The following ASIC2 variants were observed in gnomAD, a reference collection of about 807,000 sequenced individuals.
ASIC2 encodes acid-sensing ion channel 2.
A neutral mutation model predicts 57.3 loss-of-function variants in ASIC2; 25 were observed. The observed-to-expected ratio is 0.44, with a 90% CI of 0.32 to 0.61. The LOEUF is 0.61. ASIC2 is among the 20% of genes least tolerant of loss of function. The probability of loss-of-function intolerance (pLI) is 0.06; values close to 1 mark genes in which losing one functional copy is unlikely to be tolerated. For synonymous variants in ASIC2, 319 were observed against 307.5 expected, an observed-to-expected ratio of 1.04 and a Z score of -0.39; for missense variants, 641 against 738.1, an observed-to-expected ratio of 0.87 and a Z score of 1.52.
At chr17:33,404,273 CTG>C (rs779213010) in intron 1 of ASIC2, among the ~76,000 whole-genome samples, 53 of 152,190 alleles carry the variant, frequency 3.5e-4, no homozygotes, top group Non-Finnish European at 1.3e-4. Context: ...TTGCACAACT[CTG>C]TAAGTTTACT....
chr17:34,030,550 G>A (rs1907561853), intron 1 of ASIC2, among the ~76,000 whole-genome samples: 1 of 152,212 alleles, frequency 6.6e-6, no homozygotes, highest in Non-Finnish European at 1.5e-5. Context: ...GCTGAAGTAG[G>A]GCGAGGCATC....
chr17:34,119,852 T>C (rs969596776), intron 1 of ASIC2, among the ~76,000 whole-genome samples: 1 of 152,198 alleles, frequency 6.6e-6, no homozygotes, highest in Non-Finnish European at 1.5e-5. Flanking sequence ...AAGTCCCCCA[T>C]GGTGCCTGAC....
chr17:33,138,284 G>T (rs1278706254), intron 1 of ASIC2, among the ~76,000 whole-genome samples: 1 of 152,160 alleles, frequency 6.6e-6, no homozygotes, highest in African/African-American at 2.4e-5. Flanking sequence ...AGTTGTCATG[G>T]TGTCTCAAGG....
intron 9 of ASIC2, among the ~76,000 whole-genome samples, chr17:33,015,060 C>T (rs1326677600): frequency 2.6e-5 from 4 of 152,234 alleles, no homozygotes; most frequent in East Asian, 1.9e-4. Flanking sequence ...TCCCCACTTC[C>T]GTTCCACAGA....
intron 1 of ASIC2, among the ~76,000 whole-genome samples, chr17:33,135,980 A>G (rs1169814358): frequency 6.6e-6 from 1 of 152,218 alleles, no homozygotes; most frequent in African/African-American, 2.4e-5. Flanking sequence ...AATGGGGCAG[A>G]TAGACGGGTA....
chr17:33,842,226 A>C (rs941503388), intron 1 of ASIC2, among the ~76,000 whole-genome samples: 3 of 152,206 alleles, frequency 2.0e-5, no homozygotes, highest in Admixed American at 1.3e-4. Context: ...CCTTCATTTA[A>C]CGCAAAACTC....
At chr17:33,809,289 C>G (rs529939031) in intron 1 of ASIC2, among the ~76,000 whole-genome samples, 1 of 152,290 alleles carries the variant, frequency 6.6e-6, no homozygotes, top group South Asian at 2.1e-4. Flanking sequence ...ATGTCTGAAC[C>G]CCAGTGGAGT....
intron 1 of ASIC2, among the ~76,000 whole-genome samples, chr17:33,575,875 C>T (rs999071555): frequency 6.6e-6 from 1 of 152,114 alleles, no homozygotes; most frequent in African/African-American, 2.4e-5. Flanking sequence ...AGAGCAAACG[C>T]CCCACAGCTA....
At chr17:33,914,098 C>T (rs1474808265) in intron 1 of ASIC2, among the ~76,000 whole-genome samples, 1 of 152,170 alleles carries the variant, frequency 6.6e-6, no homozygotes, top group Non-Finnish European at 1.5e-5. Flanking sequence ...GAAGCAGTTT[C>T]AAGGTGATGC....
chr17:33,961,267 G>T (rs1402403978), intron 1 of ASIC2, among the ~76,000 whole-genome samples: 2 of 152,192 alleles, frequency 1.3e-5, no homozygotes, highest in Non-Finnish European at 2.9e-5. Context: ...CAGGGGCAGG[G>T]TCACTGCTTC....
chr17:33,738,589 C>T (rs1909999099), intron 1 of ASIC2, among the ~76,000 whole-genome samples: 1 of 152,160 alleles, frequency 6.6e-6, no homozygotes, highest in African/African-American at 2.4e-5. Flanking sequence ...ATATCTAACT[C>T]CTTCTTACTG....
intron 1 of ASIC2, among the ~76,000 whole-genome samples, chr17:33,662,744 C>CCCTTCCTT (rs1162461711): frequency 1.5e-5 from 2 of 134,954 alleles, no homozygotes; most frequent in African/African-American, 5.3e-5. Context: ...CTCCTTCCCT[C>CCCTTCCTT]CCTTCCTTCC....
chr17:33,220,467 A>C (rs1907649264), intron 1 of ASIC2, among the ~76,000 whole-genome samples: 1 of 151,992 alleles, frequency 6.6e-6, no homozygotes, highest in South Asian at 2.1e-4. Context: ...AAGTGAATAC[A>C]CCTGGAAAGG....
At chr17:33,244,061 T>C (rs1378246684) in intron 1 of ASIC2, among the ~76,000 whole-genome samples, 1 of 152,204 alleles carries the variant, frequency 6.6e-6, no homozygotes, top group Non-Finnish European at 1.5e-5. Context: ...CAAATGCACA[T>C]CGCTAGGCTA....
chr17:33,771,437 A>G (rs1911106992), intron 1 of ASIC2, among the ~76,000 whole-genome samples: 1 of 152,184 alleles, frequency 6.6e-6, no homozygotes. Context: ...CTACATCTAC[A>G]TAACATGTCT....
At chr17:34,108,136 T>A (rs902834045) in intron 1 of ASIC2, among the ~76,000 whole-genome samples, 2 of 152,172 alleles carry the variant, frequency 1.3e-5, no homozygotes, top group East Asian at 3.8e-4. Flanking sequence ...TTCACAAGGA[T>A]CTTCCTTACT....
At chr17:33,140,498 C>T (rs1354050382) in intron 1 of ASIC2, among the ~76,000 whole-genome samples, 1 of 152,158 alleles carries the variant, frequency 6.6e-6, no homozygotes, top group Non-Finnish European at 1.5e-5. Context: ...GGAATTACAG[C>T]AATTATCTCA....
At chr17:33,335,705 G>C (rs2142230909) in intron 1 of ASIC2, among the ~76,000 whole-genome samples, 1 of 152,302 alleles carries the variant, frequency 6.6e-6, no homozygotes, top group South Asian at 2.1e-4. Flanking sequence ...CCAAGCAGTG[G>C]TACCACAGCT....
intron 1 of ASIC2, among the ~76,000 whole-genome samples, chr17:33,675,182 C>T (rs1450886259): frequency 2.6e-5 from 4 of 152,182 alleles, no homozygotes; most frequent in Non-Finnish European, 5.9e-5. Flanking sequence ...CCCTTTAACC[C>T]TTTAGTGACT....
Sources: allele counts gnomAD v4.1 joint callset (sites outside exome capture counted in the v4.1 genomes callset), GRCh38; gene constraint gnomAD v4.1.1; transcripts MANE v1.5; gene names NCBI Gene and HGNC (gene_info 2026-07-23, HGNC 2026-07-21).